The following EXOG variants were observed in gnomAD, a reference collection of about 807,000 sequenced individuals.
The protein encoded by EXOG is exo/endonuclease G.
Under a neutral mutation model 25.8 loss-of-function variants are expected in EXOG, and 27 were observed. That is an observed-to-expected ratio of 1.05 (90% CI 0.77 to 1.45). EXOG has a LOEUF of 1.45. EXOG is among the 40% of genes most tolerant of loss of function. The probability of loss-of-function intolerance (pLI) is 0.00; values close to 1 mark genes in which losing one functional copy is unlikely to be tolerated. For missense variants in EXOG, 458 were observed against 450.5 expected (o/e 1.02, Z -0.15); for synonymous variants, 133 against 167.0 (o/e 0.80, Z 1.57).
chr3:38,504,060 T>C (rs940244113), intron 4 of EXOG, among the ~76,000 whole-genome samples: 2 of 152,198 alleles, frequency 1.3e-5, no homozygotes, highest in Non-Finnish European at 2.9e-5. Context: ...AAAACAGTTT[T>C]GTATTTCAAG....
In EXOG at chr3:38,525,423, G is replaced by T; in HGVS notation, c.*1061G>T. Reference sequence around the variant, plus strand: ...GCAAGAAGAGTCTGGTTTCTCGTCTGCTATGCAAGCCAAAGGGACTTTAAT... The same window carrying T: ...GCAAGAAGAGTCTGGTTTCTCGTCTTCTATGCAAGCCAAAGGGACTTTAAT... On this transcript the variant is annotated 3_prime_UTR_variant, in exon 6 of 6. Transcript: ENST00000287675. The T allele has an allele frequency of 1.0e-6, 1 of 985,360 alleles. No individual in the cohort carries two copies. Among genetic ancestry groups the T allele is most frequent in the South Asian group, 4.7e-5 (1 of 21,272 alleles). 61.0% of individuals were successfully genotyped at this position (985,360 alleles called of 1,614,324 possible).
chr3:38,502,367 C>A (rs1422900047), intron 3 of EXOG, among the ~76,000 whole-genome samples: 1 of 152,108 alleles, frequency 6.6e-6, no homozygotes, highest in African/African-American at 2.4e-5. Flanking sequence ...CTAACTAGGA[C>A]TATAGTCATG....
chr3:38,512,795 A>G (rs1027118326), intron 5 of EXOG, among the ~76,000 whole-genome samples: 5 of 152,034 alleles, frequency 3.3e-5, no homozygotes, highest in African/African-American at 4.8e-5. Context: ...ATATATATAT[A>G]TATTTTTAAG....
chr3:38,525,588 G>C lies in EXOG; in HGVS notation c.*1226G>C. 1 of 985,324 alleles carries C rather than the reference G, an allele frequency of 1.0e-6. No homozygotes were observed. The highest frequency in any genetic ancestry group is 1.2e-6 in the Non-Finnish European group (1 of 829,858). The allele number at this position is 985,324 out of a possible 1,614,324, so 61.0% of individuals were successfully genotyped here. A position where few individuals can be genotyped will look rare whatever the true frequency, so the allele number is the denominator to read the frequency against. On this transcript the variant is annotated 3_prime_UTR_variant, in exon 6 of 6. Coordinates refer to ENST00000287675, the MANE Select transcript of EXOG (RefSeq NM_005107.4). ...ACAGTTCTTTTAGTGACCAGATACT[G>C]CCAAATTGATGTGTTCTTGCTTTCC...
At chr3:38,514,885 C>T (rs1186115931) in intron 5 of EXOG, among the ~76,000 whole-genome samples, 5 of 150,426 alleles carry the variant, frequency 3.3e-5, no homozygotes, top group African/African-American at 1.2e-4. Context: ...ATTCTTCTGC[C>T]TCAGCCTCCT....
intron 5 of EXOG, chr3:38,523,319 A>G: frequency 1.6e-6 from 2 of 1,271,486 alleles, no homozygotes; most frequent in South Asian, 1.3e-5. Context: ...CCTTTGTCCT[A>G]CAAACAGAAC....
At chr3:38,498,565 A>G (rs2059959635) in intron 2 of EXOG, among the ~76,000 whole-genome samples, 1 of 152,132 alleles carries the variant, frequency 6.6e-6, no homozygotes, top group African/African-American at 2.4e-5. Context: ...AAAAAAAAAA[A>G]AAAGTGTGAT....
chr3:38,499,811 G>A, intron 2 of EXOG: 1 of 382,388 alleles, frequency 2.6e-6, no homozygotes, highest in South Asian at 2.0e-5. Flanking sequence ...AAAATGAAGA[G>A]CCAGCAGCAT....
At chr3:38,502,133 C>T (rs2125755644) in intron 3 of EXOG, among the ~76,000 whole-genome samples, 1 of 152,236 alleles carries the variant, frequency 6.6e-6, no homozygotes, top group South Asian at 2.1e-4. Context: ...GTTGGCCAGG[C>T]TGGTCTCAAA....
chr3:38,524,420 C>A lies in EXOG; in HGVS notation c.*58C>A. On this transcript the variant is annotated 3_prime_UTR_variant, in exon 6 of 6. Transcript: ENST00000287675. ...ATGAAGCAGGCATGCCCTCTTTAGG[C>A]TAACATATTTTAGTGGCTTTGCTTT... is the stretch of plus-strand genomic sequence containing the variant. The A allele has an allele frequency of 2.0e-6, 3 of 1,514,828 alleles. No individual in the cohort carries two copies. Among genetic ancestry groups the A allele is most frequent in the Non-Finnish European group, 2.6e-6 (3 of 1,135,810 alleles). The allele number at this position is 1,514,828 out of a possible 1,614,324, so 93.8% of individuals were successfully genotyped here. A position where few individuals can be genotyped will look rare whatever the true frequency, so the allele number is the denominator to read the frequency against.
intron 5 of EXOG, among the ~76,000 whole-genome samples, chr3:38,521,110 A>G (rs2060702694): frequency 6.6e-6 from 1 of 152,252 alleles, no homozygotes; most frequent in South Asian, 2.1e-4. Context: ...CTGTCCCTAT[A>G]TTAGACAGAT....
At chr3:38,516,890 T>C (rs1009661468) in intron 5 of EXOG, among the ~76,000 whole-genome samples, 1 of 152,226 alleles carries the variant, frequency 6.6e-6, no homozygotes, top group Non-Finnish European at 1.5e-5. Flanking sequence ...TGATTCATTA[T>C]GTTTTTGGCA....
At chr3:38,509,104 A>G (rs981459619) in intron 5 of EXOG, among the ~76,000 whole-genome samples, 7 of 152,170 alleles carry the variant, frequency 4.6e-5, no homozygotes, top group Non-Finnish European at 8.8e-5. Flanking sequence ...AAAGGCTTAA[A>G]GCCCCCTGTA....
At chr3:38,496,579 C>T (rs2059895229) in intron 1 of EXOG, 49 bp downstream of exon 1, 1 of 1,580,072 alleles carries the variant, frequency 6.3e-7, no homozygotes. Context: ...TTTCGGGCTC[C>T]GACTCCTACC....
Position 38,517,779 on chromosome 3 carries a change from A to T in EXOG, c.646-6122A>T, listed in dbSNP as rs79892961. ...TTGTACATTGTGTATGTATATGTAA[A>T]GTTGAATATTGACTTCACGAATCCA... On this transcript the variant is annotated intron_variant, in intron 5 of 5. Transcript: ENST00000287675. 0.015 allele frequency among the ~76,000 whole-genome samples: 2,260 copies of T among 152,326 alleles called. 102 individuals carry two copies. In the East Asian group the frequency reaches 0.15, roughly 10 times the overall value.
In EXOG at chr3:38,506,904, T is replaced by TGGTA; in HGVS notation, c.582_585dup (p.Ser196GlyfsTer11). 1 of 1,607,666 alleles carries TGGTA rather than the reference T, an allele frequency of 6.2e-7. No individual in the cohort carries two copies. Among genetic ancestry groups the TGGTA allele is most frequent in the Non-Finnish European group, 8.5e-7 (1 of 1,174,386 alleles). On this transcript the variant is annotated frameshift_variant, in exon 5 of 6. Coordinates refer to ENST00000287675, the MANE Select transcript of EXOG (RefSeq NM_005107.4). LOFTEE classifies it high-confidence loss of function. The stretch of plus-strand genomic sequence containing the variant: ...ACAGAAAGGTTTGAAGATGTTTGGG[T>TGGTA]GGTATCTGGGCCTTTGACCTTACCT...
Position 38,524,585 on chromosome 3 carries a change from AGCTGGGACTACAG to A in EXOG, c.*226_*238del. 8.0e-7 allele frequency: 1 copy of A among 1,249,594 alleles called. No individual in the cohort carries two copies. The allele number at this position is 1,249,594 out of a possible 1,614,324, so 77.4% of individuals were successfully genotyped here. ...ATCCTCCTGCCTCTGCCCCCTGAGC[AGCTGGGACTACAG>A]GCACACACCATCACCCTCAGCTACT... On this transcript the variant is annotated 3_prime_UTR_variant, in exon 6 of 6. Coordinates refer to ENST00000287675, the MANE Select transcript of EXOG (RefSeq NM_005107.4).
chr3:38,524,037 A>T lies in EXOG; in HGVS notation c.782A>T (p.Gln261Leu), dbSNP rs751984250. The change falls in exon 6 of 6, where the codon CAG (glutamine) becomes CTG (leucine). Residue 261 changes from glutamine (Q) to leucine (L), a missense_variant. By Grantham distance (113) the Gln-to-Leu change is moderately radical. Around this residue, in one of 3 missense-constraint regions of EXOG, gnomAD observed 178 missense variants for 203.7 expected, o/e 0.87. Coordinates refer to ENST00000287675, the MANE Select transcript of EXOG (RefSeq NM_005107.4). Reference sequence around the variant, plus strand: ...AATGAAGCCATCGGCTTCCAGCCCCAGTTAACTGAATTCCAAGTGAGCCTC... The same window carrying T: ...AATGAAGCCATCGGCTTCCAGCCCCTGTTAACTGAATTCCAAGTGAGCCTC... ...VPNEAIGFQP[Q>L]LTEFQVSLQD... is the part of the protein sequence containing the mutation. 1.9e-6 allele frequency: 3 copies of T among 1,614,196 alleles called. No individual in the cohort carries two copies. Among genetic ancestry groups the T allele is most frequent in the Middle Eastern group, 1.6e-4 (1 of 6,062 alleles).
rs376254637 is a variant in EXOG at position 38,524,388 on chromosome 3, G to A, written c.*26G>A. On this transcript the variant is annotated 3_prime_UTR_variant, in exon 6 of 6. Coordinates refer to ENST00000287675, the MANE Select transcript of EXOG (RefSeq NM_005107.4). ...TTTTTATCTCAAGATGTGTCATACC[G>A]TCTGTAATGAAGCAGGCATGCCCTC... 3.0e-5 allele frequency: 47 copies of A among 1,563,896 alleles called. No homozygotes were observed. Among genetic ancestry groups the A allele is most frequent in the South Asian group, 8.6e-5 (7 of 81,698 alleles).
Sources: allele counts gnomAD v4.1 joint callset (sites outside exome capture counted in the v4.1 genomes callset), GRCh38; gene constraint gnomAD v4.1.1; regional missense constraint gnomAD v4.1.1; transcripts MANE v1.5; gene names NCBI Gene and HGNC (gene_info 2026-07-23, HGNC 2026-07-21).